DAB1: variants seen among roughly 807,000 people sequenced by gnomAD.
DAB1 encodes the protein DAB adaptor protein 1.
DAB1 carries 15 observed loss-of-function variants against 64.6 expected under a neutral mutation model. The observed-to-expected ratio is 0.23, with a 90% CI of 0.16 to 0.36. DAB1 has a LOEUF of 0.36. DAB1 is among the 10% of genes least tolerant of loss of function. The pLI is 1.00. For missense variants in DAB1, 596 were observed against 706.7 expected (o/e 0.84, Z 1.78); for synonymous variants, 235 against 251.9 (o/e 0.93, Z 0.64).
intron 4 of DAB1, among the ~76,000 whole-genome samples, chr1:58,168,771 C>A (rs531453334): frequency 8.5e-5 from 13 of 152,126 alleles, no homozygotes; most frequent in Non-Finnish European, 1.6e-4. Flanking sequence ...CCCTGGAGAT[C>A]CCTTCTCTCC....
intron 3 of DAB1, among the ~76,000 whole-genome samples, chr1:58,431,288 AAGAAAAAGTTCCTAT>A (rs1644867833): frequency 6.6e-6 from 1 of 152,174 alleles, no homozygotes; most frequent in Non-Finnish European, 1.5e-5. Flanking sequence ...GGCACTTAAA[AAGAAAAAGTTCCTAT>A]AATCCCAGCA....
At chr1:58,423,101 G>T (rs567515475) in intron 3 of DAB1, among the ~76,000 whole-genome samples, 3 of 152,260 alleles carry the variant, frequency 2.0e-5, no homozygotes, top group South Asian at 4.1e-4. Flanking sequence ...TAACCTTCTA[G>T]GAAAATGTGA....
intron 11 of DAB1, among the ~76,000 whole-genome samples, chr1:57,020,610 G>A (rs1272185181): frequency 6.6e-6 from 1 of 152,020 alleles, no homozygotes; most frequent in Non-Finnish European, 1.5e-5. Flanking sequence ...CCAGGTAAAG[G>A]AAAAAATATA....
intron 5 of DAB1, among the ~76,000 whole-genome samples, chr1:58,010,398 AAC>A (rs912077323): frequency 3.3e-5 from 5 of 152,184 alleles, no homozygotes; most frequent in African/African-American, 9.6e-5. Flanking sequence ...TCTTGCTACA[AAC>A]ACAACAGAAC....
chr1:57,796,141 C>G (rs1650850572), intron 6 of DAB1, among the ~76,000 whole-genome samples: 1 of 152,052 alleles, frequency 6.6e-6, no homozygotes, highest in Non-Finnish European at 1.5e-5. Context: ...AAAATAAAAT[C>G]TAAGTGAAAC....
intron 2 of DAB1, among the ~76,000 whole-genome samples, chr1:57,154,895 A>AT (rs1208133271): frequency 2.0e-5 from 3 of 151,884 alleles, no homozygotes; most frequent in South Asian, 2.1e-4. Flanking sequence ...AGCTTACTAG[A>AT]TTTTTTCCTA....
At chr1:57,856,517 C>T (rs1004500838) in intron 1 of DAB1, among the ~76,000 whole-genome samples, 18 of 152,168 alleles carry the variant, frequency 1.2e-4, no homozygotes. Context: ...AATCCCAGCA[C>T]TTTGGGAGGC....
At chr1:57,626,714 G>A (rs898794935) in intron 7 of DAB1, among the ~76,000 whole-genome samples, 10 of 152,126 alleles carry the variant, frequency 6.6e-5, no homozygotes, top group African/African-American at 2.4e-4. Context: ...CCTGCTTCCT[G>A]CTTCACAGAT....
At chr1:58,422,678 C>T (rs1644783814) in intron 3 of DAB1, among the ~76,000 whole-genome samples, 1 of 148,820 alleles carries the variant, frequency 6.7e-6, no homozygotes, top group Admixed American at 6.8e-5. Flanking sequence ...CAGGAGGCAA[C>T]TATTATTACT....
At chr1:58,215,331 T>C (rs1570494194) in intron 4 of DAB1, among the ~76,000 whole-genome samples, 1 of 151,930 alleles carries the variant, frequency 6.6e-6, no homozygotes, top group Admixed American at 6.6e-5. Flanking sequence ...CCCTCAGAGA[T>C]GCCTGAGGGT....
At chr1:57,436,337 T>C (rs914866319) in intron 7 of DAB1, among the ~76,000 whole-genome samples, 2 of 152,176 alleles carry the variant, frequency 1.3e-5, no homozygotes, top group Non-Finnish European at 2.9e-5. Context: ...TTCAGCTCCG[T>C]TACAATCTTA....
chr1:57,693,534 T>G (rs924596124), intron 6 of DAB1, among the ~76,000 whole-genome samples: 2 of 152,134 alleles, frequency 1.3e-5, no homozygotes, highest in Admixed American at 1.3e-4. Context: ...CAGCAGGATG[T>G]GGGTGGGGCC....
At chr1:57,213,189 GGGGGA>G (rs1666164089) in intron 2 of DAB1, among the ~76,000 whole-genome samples, 2 of 152,128 alleles carry the variant, frequency 1.3e-5, no homozygotes, top group Admixed American at 6.5e-5. Flanking sequence ...ACAAAGAAAT[GGGGGA>G]TGGGGGGTGG....
chr1:57,591,262 T>A (rs529269312), intron 7 of DAB1, among the ~76,000 whole-genome samples: 1 of 152,190 alleles, frequency 6.6e-6, no homozygotes, highest in South Asian at 2.1e-4. Context: ...CAGTCTCCAT[T>A]ATCTGAATAA....
In DAB1 at chr1:57,938,012, G is replaced by A. The variant is rs147416242; in HGVS notation, n.388-53850C>T. On this transcript the variant is annotated intron_variant and non_coding_transcript_variant, in intron 5 of 20. Coordinates refer to the DAB1 transcript ENST00000485760. Reference sequence around the variant, plus strand: ...AGATGCCCTCATAGTGAGGCCAGCTGACTGTGCCATGTTCAGAGAACATTC... The same window carrying A: ...AGATGCCCTCATAGTGAGGCCAGCTAACTGTGCCATGTTCAGAGAACATTC... Among the ~76,000 whole-genome samples, 586 of 152,344 alleles carry A rather than the reference G, an allele frequency of 3.8e-3. 4 individuals carry two copies. Among genetic ancestry groups the A allele is most frequent in the Middle Eastern group, 0.01 (3 of 294 alleles).
chr1:58,205,825 G>A (rs967012297), intron 4 of DAB1, among the ~76,000 whole-genome samples: 14 of 152,174 alleles, frequency 9.2e-5, no homozygotes, highest in African/African-American at 2.9e-4. Flanking sequence ...TCAAGGCCCT[G>A]GAACCCTGTC....
chr1:58,070,025 G>T (rs1000411203), intron 5 of DAB1, among the ~76,000 whole-genome samples: 1 of 152,230 alleles, frequency 6.6e-6, no homozygotes, highest in Non-Finnish European at 1.5e-5. Context: ...TGGGGAAGCA[G>T]CATGGAGAGA....
At chr1:57,454,376 C>T (rs1386141596) in intron 7 of DAB1, among the ~76,000 whole-genome samples, 2 of 152,014 alleles carry the variant, frequency 1.3e-5, no homozygotes, top group African/African-American at 4.8e-5. Flanking sequence ...GAACTGGAGG[C>T]TATTATACTT....
At chr1:58,488,088 G>A (rs1428857474) in intron 3 of DAB1, among the ~76,000 whole-genome samples, 1 of 151,830 alleles carries the variant, frequency 6.6e-6, no homozygotes, top group Non-Finnish European at 1.5e-5. Flanking sequence ...TTCTAATATA[G>A]ACATTTAAAC....
Sources: allele counts gnomAD v4.1 joint callset (sites outside exome capture counted in the v4.1 genomes callset), GRCh38; gene constraint gnomAD v4.1.1; transcripts MANE v1.5; gene names NCBI Gene and HGNC (gene_info 2026-07-23, HGNC 2026-07-21).